The following ERAP1 variants were observed in gnomAD, a reference collection of about 807,000 sequenced individuals.
ERAP1 encodes endoplasmic reticulum aminopeptidase 1.
A neutral mutation model predicts 103.7 loss-of-function variants in ERAP1; 86 were observed. The observed-to-expected ratio is 0.83, with a 90% confidence interval of 0.70 to 0.99. The LOEUF (loss-of-function observed/expected upper bound fraction) is 0.99. ERAP1 is among the 50% of genes least tolerant of loss of function. The pLI is 0.00. For synonymous variants in ERAP1, 398 were observed against 402.4 expected (o/e 0.99, Z 0.13); for missense variants, 1,009 against 1,128.4 (o/e 0.89, Z 1.52).
chr5:96,847,562 G>A, the ERAP1 span, among the ~76,000 whole-genome samples: 1 of 152,072 alleles, frequency 6.6e-6, no homozygotes, highest in Non-Finnish European at 1.5e-5. Context: ...CCCAAGATAG[G>A]TCATGTTAAA....
chr5:96,798,655 T>C (rs915435706), intron 3 of ERAP1, among the ~76,000 whole-genome samples: 1 of 151,230 alleles, frequency 6.6e-6, no homozygotes, highest in African/African-American at 2.4e-5. Flanking sequence ...CCTCAAGAAA[T>C]CCTCTTCTTC....
the ERAP1 span, among the ~76,000 whole-genome samples, chr5:96,861,186 C>T: frequency 6.6e-6 from 1 of 152,172 alleles, no homozygotes; most frequent in Non-Finnish European, 1.5e-5. Flanking sequence ...AAGGTATGAA[C>T]AAGGGCTTGT....
chr5:96,810,497 G>A (rs2151026047), upstream of ERAP1, among the ~76,000 whole-genome samples: 1 of 152,300 alleles, frequency 6.6e-6, no homozygotes, highest in Non-Finnish European at 1.5e-5. Flanking sequence ...AGACAGGTCG[G>A]CAACTTGCTC....
At chr5:96,923,995 A>T in the ERAP1 span, among the ~76,000 whole-genome samples, 10,686 of 152,206 alleles carry the variant, frequency 0.07, 443 homozygotes, top group Middle Eastern at 0.15. Context: ...GGTAGGAGGA[A>T]ATTAAGGGCA....
chr5:96,868,018 T>A, the ERAP1 span, among the ~76,000 whole-genome samples: 1 of 150,970 alleles, frequency 6.6e-6, no homozygotes, highest in Non-Finnish European at 1.5e-5. Context: ...GAGGTTGCAG[T>A]GAGCCGAGAT....
the ERAP1 span, among the ~76,000 whole-genome samples, chr5:96,851,515 A>G: frequency 6.6e-6 from 1 of 152,176 alleles, no homozygotes; most frequent in Admixed American, 6.6e-5. Context: ...TTGAGAAATG[A>G]TGTCAAGCAT....
intron 10 of ERAP1, among the ~76,000 whole-genome samples, chr5:96,789,190 T>C (rs781534300): frequency 2.0e-5 from 3 of 152,060 alleles, no homozygotes; most frequent in African/African-American, 4.8e-5. Flanking sequence ...AAGAAATGAT[T>C]TAAGAAGTAG....
the ERAP1 span, among the ~76,000 whole-genome samples, chr5:96,854,982 C>CAGTTTTTCAA: frequency 5.3e-5 from 8 of 151,468 alleles, no homozygotes; most frequent in Admixed American, 2.0e-4. Flanking sequence ...TTTTTCAAAC[C>CAGTTTTTCAA]ACTAAATAAG....
the ERAP1 span, among the ~76,000 whole-genome samples, chr5:96,878,702 TG>T: frequency 6.6e-6 from 1 of 152,012 alleles, no homozygotes; most frequent in African/African-American, 2.4e-5. Context: ...CTGAGGCAAG[TG>T]GATCACCTGA....
chr5:96,871,082 G>C, the ERAP1 span, among the ~76,000 whole-genome samples: 4 of 152,156 alleles, frequency 2.6e-5, no homozygotes, highest in Non-Finnish European at 5.9e-5. Context: ...CACACCGTTC[G>C]TCTCTTTCTG....
the ERAP1 span, chr5:96,896,571 A>C: frequency 6.5e-7 from 1 of 1,549,576 alleles, no homozygotes; most frequent in African/African-American, 1.4e-5. Context: ...TAGAATCAGC[A>C]GTTTAAGTCA....
intron 10 of ERAP1, among the ~76,000 whole-genome samples, chr5:96,789,859 T>C (rs547146828): frequency 1.3e-5 from 2 of 152,360 alleles, no homozygotes; most frequent in African/African-American, 4.8e-5. Flanking sequence ...ACAGGTTTAT[T>C]ATGAAGAGTA....
chr5:96,865,095 A>T, the ERAP1 span, among the ~76,000 whole-genome samples: 6 of 152,274 alleles, frequency 3.9e-5, no homozygotes, highest in East Asian at 1.2e-3. Flanking sequence ...ACTACAATTG[A>T]AGTGATGGGA....
the ERAP1 span, among the ~76,000 whole-genome samples, chr5:96,849,748 G>GA: frequency 6.6e-6 from 1 of 152,030 alleles, no homozygotes; most frequent in African/African-American, 2.4e-5. Flanking sequence ...CACAGAAATG[G>GA]AAAAAACAAT....
intron 18 of ERAP1, among the ~76,000 whole-genome samples, chr5:96,777,729 A>G (rs903774512): frequency 6.6e-6 from 1 of 152,206 alleles, no homozygotes; most frequent in Non-Finnish European, 1.5e-5. Flanking sequence ...CTAATTGTTC[A>G]AATCATTAAT....
chr5:96,927,961 A>G, the ERAP1 span, among the ~76,000 whole-genome samples: 1 of 152,054 alleles, frequency 6.6e-6, no homozygotes, highest in African/African-American at 2.4e-5. Context: ...GCTGGAGTGC[A>G]GTGGCATGAT....
At chr5:96,842,773 T>C in the ERAP1 span, among the ~76,000 whole-genome samples, 1 of 152,366 alleles carries the variant, frequency 6.6e-6, no homozygotes, top group South Asian at 2.1e-4. Flanking sequence ...GCAGAAGCTT[T>C]TTAGTTTAAT....
intron 18 of ERAP1, 111 bp downstream of exon 18, chr5:96,780,312 T>A: frequency 1.3e-6 from 1 of 767,024 alleles, no homozygotes. Flanking sequence ...AACTTCTAAA[T>A]GACAATCCAT....
At chr5:96,887,162 T>A in the ERAP1 span, among the ~76,000 whole-genome samples, 1 of 150,656 alleles carries the variant, frequency 6.6e-6, no homozygotes, top group Non-Finnish European at 1.5e-5. Context: ...ATATATTGAC[T>A]ATTTTTAACC....
Sources: gnomAD v4.1 joint callset for allele counts (sites outside exome capture counted in the v4.1 genomes callset) on GRCh38, gnomAD v4.1.1 for gene constraint, MANE v1.5 for transcripts, NCBI Gene and HGNC (gene_info 2026-07-23, HGNC 2026-07-21) for gene names.